The following DRC11 variants were observed in gnomAD, a reference collection of about 807,000 sequenced individuals.
DRC11 encodes IQ and AAA domain-containing protein 1.
At chr2:236,395,572 G>A in the DRC11 span, among the ~76,000 whole-genome samples, 2 of 152,138 alleles carry the variant, frequency 1.3e-5, no homozygotes, top group Non-Finnish European at 2.9e-5. Context: ...CTCTTTTCTA[G>A]TAAATTTTCT....
At chr2:236,457,607 T>C in the DRC11 span, among the ~76,000 whole-genome samples, 2 of 152,176 alleles carry the variant, frequency 1.3e-5, no homozygotes, top group African/African-American at 4.8e-5. The surrounding 1 kb of genome is among the most constrained non-coding windows in gnomAD (Gnocchi z 4.7). Flanking sequence ...GTGATTAAGA[T>C]CCATGAGAGG....
the DRC11 span, among the ~76,000 whole-genome samples, chr2:236,363,475 G>C: frequency 6.6e-6 from 1 of 152,188 alleles, no homozygotes; most frequent in East Asian, 1.9e-4. This position sits in a 1 kb window ranked among gnomAD's most constrained non-coding sequence, Gnocchi z 5.6. Context: ...AATTATTACA[G>C]TGAGGTGGGC....
the DRC11 span, among the ~76,000 whole-genome samples, chr2:236,336,236 C>A: frequency 2.6e-4 from 39 of 152,242 alleles, 1 homozygote; most frequent in East Asian, 5.4e-3. This position sits in a 1 kb window ranked among gnomAD's most constrained non-coding sequence, Gnocchi z 7.3. Context: ...AATAAGCTAG[C>A]TGTTTATAGC....
At chr2:236,404,582 G>A in the DRC11 span, among the ~76,000 whole-genome samples, 2 of 152,186 alleles carry the variant, frequency 1.3e-5, no homozygotes, top group African/African-American at 2.4e-5. Context: ...GTGGAGCCAC[G>A]GCCGGTAACC....
At chr2:236,433,020 T>C in the DRC11 span, among the ~76,000 whole-genome samples, 2 of 152,286 alleles carry the variant, frequency 1.3e-5, no homozygotes, top group Non-Finnish European at 2.9e-5. Flanking sequence ...TTTATTTCCT[T>C]TTTTCCTTTC....
At chr2:236,318,379 G>A in the DRC11 span, among the ~76,000 whole-genome samples, 42 of 152,312 alleles carry the variant, frequency 2.8e-4, no homozygotes, top group South Asian at 3.1e-3. The surrounding 1 kb of genome is among the most constrained non-coding windows in gnomAD (Gnocchi z 7.0). Flanking sequence ...TGAGCCCACC[G>A]AGGAAATAAT....
the DRC11 span, chr2:236,493,647 G>A: frequency 1.3e-6 from 1 of 760,892 alleles, no homozygotes; most frequent in South Asian, 2.0e-5. Flanking sequence ...TGTATAACGA[G>A]GGAGGGATCA....
the DRC11 span, among the ~76,000 whole-genome samples, chr2:236,484,453 C>T: frequency 2.6e-5 from 4 of 152,222 alleles, no homozygotes; most frequent in Admixed American, 1.3e-4. Flanking sequence ...TTACATTTCA[C>T]AAAATATGTA....
At chr2:236,321,432 T>C in the DRC11 span, among the ~76,000 whole-genome samples, 1 of 152,216 alleles carries the variant, frequency 6.6e-6, no homozygotes, top group Admixed American at 6.5e-5. Flanking sequence ...CGTGTTACCA[T>C]TTGTGTGAAA....
chr2:236,337,132 A>G, the DRC11 span, among the ~76,000 whole-genome samples: 1 of 152,078 alleles, frequency 6.6e-6, no homozygotes, highest in East Asian at 1.9e-4. This position sits in a 1 kb window ranked among gnomAD's most constrained non-coding sequence, Gnocchi z 4.9. Flanking sequence ...GGGTATCCAC[A>G]CTGTCCAGTC....
chr2:236,338,616 G>C, the DRC11 span, among the ~76,000 whole-genome samples: 2 of 152,188 alleles, frequency 1.3e-5, no homozygotes, highest in African/African-American at 4.8e-5. Flanking sequence ...TCCAGATTTA[G>C]AGGGTGGGAA....
the DRC11 span, chr2:236,324,569 C>T: frequency 1.5e-6 from 1 of 645,992 alleles, no homozygotes; most frequent in African/African-American, 1.8e-5. This position sits in a 1 kb window ranked among gnomAD's most constrained non-coding sequence, Gnocchi z 5.7. Flanking sequence ...AGGGCTTCTT[C>T]AGGCGGGCAA....
chr2:236,441,254 G>A, the DRC11 span: 1 of 658,762 alleles, frequency 1.5e-6, no homozygotes, highest in Non-Finnish European at 2.7e-6. Context: ...TAGATCAAGG[G>A]CTGGGCATGG....
chr2:236,435,902 AT>A, the DRC11 span, among the ~76,000 whole-genome samples: 33 of 151,982 alleles, frequency 2.2e-4, no homozygotes, highest in African/African-American at 7.2e-4. Context: ...TGTTATTATT[AT>A]TTATTTAGTA....
the DRC11 span, chr2:236,338,269 T>C: frequency 1.2e-6 from 2 of 1,614,024 alleles, no homozygotes; most frequent in South Asian, 1.1e-5. Context: ...TGCAGAAAGA[T>C]TGGAGTTCAG....
At chr2:236,357,754 A>ATT in the DRC11 span, among the ~76,000 whole-genome samples, 1 of 126,894 alleles carries the variant, frequency 7.9e-6, no homozygotes, top group Non-Finnish European at 1.5e-5. Context: ...GTAAATATAT[A>ATT]AATATACATA....
At chr2:236,449,399 C>A in the DRC11 span, among the ~76,000 whole-genome samples, 2 of 152,354 alleles carry the variant, frequency 1.3e-5, no homozygotes, top group African/African-American at 4.8e-5. The surrounding 1 kb of genome is among the most constrained non-coding windows in gnomAD (Gnocchi z 5.1). Flanking sequence ...CTCGCCTCCG[C>A]CTCCGCAATA....
At chr2:236,365,094 G>A in the DRC11 span, among the ~76,000 whole-genome samples, 4 of 152,114 alleles carry the variant, frequency 2.6e-5, no homozygotes. This position sits in a 1 kb window ranked among gnomAD's most constrained non-coding sequence, Gnocchi z 7.4. Context: ...ACCTGGGTAT[G>A]GAAGGCTGCT....
chr2:236,399,208 T>C, the DRC11 span, among the ~76,000 whole-genome samples: 1 of 152,144 alleles, frequency 6.6e-6, no homozygotes, highest in African/African-American at 2.4e-5. The surrounding 1 kb of genome is among the most constrained non-coding windows in gnomAD (Gnocchi z 7.0). Flanking sequence ...CAGGCTGGTC[T>C]TGAACTCCTG....
Sources: gnomAD v4.1 joint callset for allele counts (sites outside exome capture counted in the v4.1 genomes callset) on GRCh38, gnomAD v4.1.1 for gene constraint, Gnocchi (gnomAD v3.1) non-coding constraint, MANE v1.5 for transcripts, NCBI Gene and HGNC (gene_info 2026-07-23, HGNC 2026-07-21) for gene names.